GPHN: variants seen among roughly 807,000 people sequenced by gnomAD.
GPHN encodes the protein gephyrin.
A neutral mutation model predicts 95.5 loss-of-function variants in GPHN; 17 were observed. The observed-to-expected ratio is 0.18, with a 90% CI of 0.12 to 0.27. The LOEUF (loss-of-function observed/expected upper bound fraction) is 0.27. Among genes scored for constraint, GPHN ranks in the 10% least tolerant of loss-of-function variants. The pLI, the probability that GPHN is intolerant of heterozygous loss-of-function variation, is 1.00. For missense variants in GPHN, 660 were observed against 978.1 expected (o/e 0.67, Z 4.34); for synonymous variants, 320 against 322.5 (o/e 0.99, Z 0.08).
At chr14:67,248,046 C>G in the GPHN span, among the ~76,000 whole-genome samples, 1 of 152,146 alleles carries the variant, frequency 6.6e-6, no homozygotes, top group Non-Finnish European at 1.5e-5. Context: ...TGAATTTTAT[C>G]ATATGCCTTT....
chr14:66,780,583 A>T (rs2059569528), intron 3 of GPHN, among the ~76,000 whole-genome samples: 1 of 151,388 alleles, frequency 6.6e-6, no homozygotes, highest in Non-Finnish European at 1.5e-5. Flanking sequence ...ATCCCTCAGG[A>T]GATTCCTTTT....
rs1053620195 is a variant in GPHN at position 66,731,423 on chromosome 14, G to A, written c.144-45041G>A. On this transcript the variant is annotated intron_variant, in intron 2 of 22. Coordinates refer to ENST00000478722, the MANE Select transcript of GPHN (RefSeq NM_020806.5). Reference sequence around the variant, plus strand: ...CAATGAGGTGGCCAATGAAGTCCAGGCTGAGGTGATCTCAGATGGAGATGA... The same window carrying A: ...CAATGAGGTGGCCAATGAAGTCCAGACTGAGGTGATCTCAGATGGAGATGA... Among the ~76,000 whole-genome samples, 9 of 152,200 alleles carry A rather than the reference G, an allele frequency of 5.9e-5. No individual in the cohort carries two copies. In the East Asian group the frequency reaches 1.5e-3, roughly 26 times the overall value.
intron 4 of GPHN, among the ~76,000 whole-genome samples, chr14:66,829,358 G>T (rs1456378065): frequency 6.6e-6 from 1 of 152,074 alleles, no homozygotes; most frequent in Non-Finnish European, 1.5e-5. Flanking sequence ...AAAGTGCTGA[G>T]ATTACAGGCA....
At chr14:66,705,825 G>A (rs1050465616) in intron 2 of GPHN, among the ~76,000 whole-genome samples, 1 of 152,042 alleles carries the variant, frequency 6.6e-6, no homozygotes, top group African/African-American at 2.4e-5. Context: ...GGGCAATCAG[G>A]CAAGAGAAAA....
chr14:67,629,937 A>G, the GPHN span, among the ~76,000 whole-genome samples: 1 of 152,232 alleles, frequency 6.6e-6, no homozygotes, highest in Non-Finnish European at 1.5e-5. Flanking sequence ...AGACAAAAAT[A>G]TAAATAGTTT....
chr14:67,521,897 C>T, the GPHN span, among the ~76,000 whole-genome samples: 1 of 152,182 alleles, frequency 6.6e-6, no homozygotes, highest in South Asian at 2.1e-4. Context: ...GGGGATTAAG[C>T]CGGGCACGGT....
chr14:67,220,274 A>G, the GPHN span, among the ~76,000 whole-genome samples: 2 of 151,978 alleles, frequency 1.3e-5, no homozygotes, highest in East Asian at 1.9e-4. Context: ...TGTCCCTACA[A>G]AAAAGAAAAA....
intron 1 of GPHN, among the ~76,000 whole-genome samples, chr14:66,627,848 C>T (rs982209318): frequency 5.9e-5 from 9 of 152,082 alleles, no homozygotes; most frequent in Non-Finnish European, 1.2e-4. Context: ...TGGTGTGCTT[C>T]TAATTACCTA....
At chr14:66,749,135 T>C (rs1336593979) in intron 2 of GPHN, among the ~76,000 whole-genome samples, 1 of 151,974 alleles carries the variant, frequency 6.6e-6, no homozygotes, top group Non-Finnish European at 1.5e-5. Flanking sequence ...AGGCTTCTTT[T>C]AGTTAGTAAT....
chr14:67,617,952 C>T, the GPHN span, among the ~76,000 whole-genome samples: 1 of 152,144 alleles, frequency 6.6e-6, no homozygotes, highest in East Asian at 1.9e-4. Flanking sequence ...CTCCTGACCT[C>T]AGGTGATCCA....
At chr14:66,783,666 C>G (rs1391502980) in intron 3 of GPHN, among the ~76,000 whole-genome samples, 1 of 152,214 alleles carries the variant, frequency 6.6e-6, no homozygotes, top group Non-Finnish European at 1.5e-5. Flanking sequence ...CAACCATCTA[C>G]TCTCCCCAAC....
intron 1 of GPHN, among the ~76,000 whole-genome samples, chr14:66,534,054 G>A (rs1271784688): frequency 6.6e-6 from 1 of 152,138 alleles, no homozygotes; most frequent in African/African-American, 2.4e-5. Context: ...GAATTATCCA[G>A]TGTATCCTTT....
the GPHN span, among the ~76,000 whole-genome samples, chr14:67,261,811 A>G: frequency 1.3e-5 from 2 of 152,094 alleles, no homozygotes; most frequent in Non-Finnish European, 2.9e-5. Context: ...TGTTACCACA[A>G]TCAGGTACTA....
chr14:67,662,176 C>CAAAA, the GPHN span, among the ~76,000 whole-genome samples: 3 of 146,978 alleles, frequency 2.0e-5, no homozygotes, highest in East Asian at 2.1e-4. Context: ...ACAACAACAA[C>CAAAA]AACAAAAAAA....
intron 9 of GPHN, among the ~76,000 whole-genome samples, chr14:67,009,338 G>C (rs1460221645): frequency 2.0e-5 from 3 of 152,058 alleles, no homozygotes; most frequent in Non-Finnish European, 4.4e-5. Context: ...TAGGCAAGTA[G>C]CTCACAGGAA....
intron 15 of GPHN, 144 bp from the exon 16 acceptor site, chr14:67,112,874 C>T: frequency 1.5e-5 from 10 of 685,696 alleles, no homozygotes; most frequent in South Asian, 5.1e-5. Flanking sequence ...TTTTAGAATC[C>T]CTTCAATTCA....
chr14:67,031,261 T>C (rs1449130350), intron 10 of GPHN, among the ~76,000 whole-genome samples: 2 of 152,200 alleles, frequency 1.3e-5, no homozygotes, highest in African/African-American at 4.8e-5. Flanking sequence ...TTTTATCTTT[T>C]TTATTATTCC....
At chr14:67,474,535 TGTAA>T in the GPHN span, among the ~76,000 whole-genome samples, 2 of 152,214 alleles carry the variant, frequency 1.3e-5, no homozygotes, top group Non-Finnish European at 2.9e-5. Flanking sequence ...ATTTCTGAGA[TGTAA>T]GTGACTCATC....
intron 9 of GPHN, among the ~76,000 whole-genome samples, chr14:67,021,334 T>C (rs1327961040): frequency 1.3e-5 from 2 of 152,164 alleles, no homozygotes; most frequent in African/African-American, 2.4e-5. Context: ...TGGGAAAGCA[T>C]TGATTATACT....
Sources: gnomAD v4.1 joint callset for allele counts (sites outside exome capture counted in the v4.1 genomes callset) on GRCh38, gnomAD v4.1.1 for gene constraint, MANE v1.5 for transcripts, NCBI Gene and HGNC (gene_info 2026-07-23, HGNC 2026-07-21) for gene names.